Variants in TMEM132B observed in about 807,000 individuals in gnomAD.
TMEM132B encodes the protein transmembrane protein 132B.
TMEM132B carries 18 observed loss-of-function variants against 90.8 expected under a neutral mutation model. The ratio of observed to expected loss-of-function variants is 0.20; its 90% CI spans 0.14 to 0.29. The LOEUF (loss-of-function observed/expected upper bound fraction) is 0.29, where lower values mean the gene tolerates loss of function less well. Ranked by LOEUF, TMEM132B falls within the 10% of genes least tolerant of loss-of-function variation. TMEM132B has a pLI of 1.00. For missense variants in TMEM132B, 1,096 were observed against 1,326.8 expected (o/e 0.83, Z 2.70); for synonymous variants, 504 against 523.3 (o/e 0.96, Z 0.50).
intron 3 of TMEM132B, among the ~76,000 whole-genome samples, chr12:125,447,801 G>C (rs927820131): frequency 2.6e-5 from 4 of 152,020 alleles, no homozygotes; most frequent in African/African-American, 9.7e-5. Context: ...TTTTCTCTCA[G>C]CACTTTGAAT....
intron 4 of TMEM132B, among the ~76,000 whole-genome samples, chr12:125,521,170 G>T (rs1172131632): frequency 6.6e-6 from 1 of 152,142 alleles, no homozygotes; most frequent in African/African-American, 2.4e-5. Context: ...TTCACTGTGG[G>T]TTTGGAAGCT....
intron 1 of TMEM132B, among the ~76,000 whole-genome samples, chr12:125,281,750 C>T (rs1010015401): frequency 4.6e-5 from 7 of 152,022 alleles, no homozygotes; most frequent in African/African-American, 1.7e-4. Context: ...CTTTTGAGGT[C>T]GGGCGCGGTG....
chr12:125,498,031 AG>A lies in TMEM132B; in HGVS notation c.1107-21404del, dbSNP rs35909621. ...TGACTGTCATCCTTCACCACGCCAAAGGGGAAGAGAGCCCTGAAATTCTCCC... is the reference window on the plus strand; with the variant it reads ...TGACTGTCATCCTTCACCACGCCAAAGGGAAGAGAGCCCTGAAATTCTCCC... On this transcript the variant is annotated intron_variant, in intron 3 of 8. Transcript: ENST00000682704. This position sits in a 1 kb window ranked among gnomAD's most constrained non-coding sequence, Gnocchi z 4.5. Among the ~76,000 whole-genome samples the A allele has an allele frequency of 6.6e-6, 1 of 152,194 alleles. No individual in the cohort carries two copies. The highest frequency in any genetic ancestry group is 2.4e-5 in the African/African-American group (1 of 41,452).
At chr12:125,384,433 T>C (rs1028702259) in intron 2 of TMEM132B, among the ~76,000 whole-genome samples, 2 of 152,222 alleles carry the variant, frequency 1.3e-5, no homozygotes, top group Non-Finnish European at 2.9e-5. Flanking sequence ...AAATCATTTG[T>C]ATTTATGGGG....
In TMEM132B at chr12:125,215,268, G is replaced by A. The variant is rs141401752; in HGVS notation, c.67+28402G>A. ...CTGCTGCAACATAGGGGCTTCAAAT[G>A]ACACAAATTTATTATCTGAAACTTC... On this transcript the variant is annotated intron_variant, in intron 1 of 8. Transcript: ENST00000682704. 8.5e-5 allele frequency among the ~76,000 whole-genome samples: 13 copies of A among 152,336 alleles called. No individual in the cohort carries two copies. The East Asian group carries it at 2.5e-3, about 29-fold the overall frequency.
At chr12:125,262,731 T>C (rs1217710932) in intron 1 of TMEM132B, among the ~76,000 whole-genome samples, 3 of 152,216 alleles carry the variant, frequency 2.0e-5, no homozygotes, top group African/African-American at 7.2e-5. Flanking sequence ...TAGAGAACAA[T>C]AGGAGAGAAC....
intron 5 of TMEM132B, among the ~76,000 whole-genome samples, chr12:125,601,633 A>T (rs1348834044): frequency 6.6e-6 from 1 of 152,192 alleles, no homozygotes; most frequent in Non-Finnish European, 1.5e-5. Context: ...ACTGAAGGAG[A>T]TAGAGACATG....
intron 1 of TMEM132B, among the ~76,000 whole-genome samples, chr12:125,192,641 G>A (rs1872825829): frequency 6.6e-6 from 1 of 152,166 alleles, no homozygotes; most frequent in African/African-American, 2.4e-5. Context: ...ACCATGCCTG[G>A]CTGAAACCTG....
At chr12:125,382,741 C>G (rs1019598786) in intron 2 of TMEM132B, among the ~76,000 whole-genome samples, 1 of 152,216 alleles carries the variant, frequency 6.6e-6, no homozygotes, top group African/African-American at 2.4e-5. Flanking sequence ...TAACATTGCT[C>G]TTGAAATGTG....
chr12:125,491,670 A>T (rs1307821527), intron 3 of TMEM132B, among the ~76,000 whole-genome samples: 1 of 152,220 alleles, frequency 6.6e-6, no homozygotes, highest in Non-Finnish European at 1.5e-5. Flanking sequence ...ATATTCTGCT[A>T]TGATTTGCCG....
chr12:125,479,906 G>A (rs145554489), intron 3 of TMEM132B, among the ~76,000 whole-genome samples: 3,697 of 152,216 alleles, frequency 0.024, 157 homozygotes, highest in African/African-American at 0.084. Flanking sequence ...ATAACAAACT[G>A]TCTCTCAGAC....
intron 3 of TMEM132B, among the ~76,000 whole-genome samples, chr12:125,425,989 A>G (rs1450660918): frequency 1.3e-5 from 2 of 149,906 alleles, no homozygotes; most frequent in Admixed American, 1.3e-4. Context: ...GGATCATATG[A>G]TAAGAATATG....
chr12:125,245,384 C>T (rs1382937539), intron 1 of TMEM132B, among the ~76,000 whole-genome samples: 2 of 150,888 alleles, frequency 1.3e-5, no homozygotes, highest in African/African-American at 2.4e-5. Flanking sequence ...TCCCGCCCAC[C>T]CCTCTGCAGG....
chr12:125,282,159 T>A (rs936710851), intron 1 of TMEM132B, among the ~76,000 whole-genome samples: 1 of 151,846 alleles, frequency 6.6e-6, no homozygotes, highest in Non-Finnish European at 1.5e-5. Flanking sequence ...TTGCCATCCT[T>A]GGTTTGGCCT....
rs116363265 is a variant in TMEM132B, at chr12:125,418,974, G to A, written c.1106+3297G>A. Among the ~76,000 whole-genome samples, 1,126 of 152,282 alleles carry A rather than the reference G, an allele frequency of 7.4e-3. 13 individuals are homozygous for A. Among genetic ancestry groups the A allele is most frequent in the African/African-American group, 0.025 (1,047 of 41,540 alleles). On this transcript the variant is annotated intron_variant, in intron 3 of 8. Coordinates refer to ENST00000682704, the MANE Select transcript of TMEM132B (RefSeq NM_001366854.1). Reference sequence around the variant, plus strand: ...TAGATGATGGACTATTTGCATGGAAGCCACGTGCAGCTAGGTAGGTTGAGA... The same window carrying A: ...TAGATGATGGACTATTTGCATGGAAACCACGTGCAGCTAGGTAGGTTGAGA...
At chr12:125,331,130 G>A (rs2136204134) in intron 1 of TMEM132B, among the ~76,000 whole-genome samples, 1 of 152,344 alleles carries the variant, frequency 6.6e-6, no homozygotes, top group South Asian at 2.1e-4. Flanking sequence ...GGTCTGCGGA[G>A]GAGGGAGCCG....
At chr12:125,563,278 T>C (rs1463589701) in intron 4 of TMEM132B, among the ~76,000 whole-genome samples, 1 of 152,002 alleles carries the variant, frequency 6.6e-6, no homozygotes, top group Non-Finnish European at 1.5e-5. Context: ...ATAGACTTGC[T>C]CGATGAAGAG....
chr12:125,350,625 T>G (rs1488491274), intron 2 of TMEM132B, among the ~76,000 whole-genome samples: 1 of 152,074 alleles, frequency 6.6e-6, no homozygotes, highest in Non-Finnish European at 1.5e-5. Flanking sequence ...TACAAAGGGT[T>G]GGGCAGTGTG....
chr12:125,383,168 T>A (rs1878733505), intron 2 of TMEM132B, among the ~76,000 whole-genome samples: 9 of 152,116 alleles, frequency 5.9e-5, no homozygotes. Context: ...GATTTGTTGC[T>A]CAAAGACCCC....
Sources: gnomAD v4.1 joint callset for allele counts (sites outside exome capture counted in the v4.1 genomes callset) on GRCh38, gnomAD v4.1.1 for gene constraint, Gnocchi (gnomAD v3.1) non-coding constraint, MANE v1.5 for transcripts, NCBI Gene and HGNC (gene_info 2026-07-23, HGNC 2026-07-21) for gene names.